Variants in COL6A2 observed in about 807,000 individuals in gnomAD.
The protein encoded by COL6A2 is collagen alpha-2(VI) chain.
Under a neutral mutation model 124.9 loss-of-function variants are expected in COL6A2, and 90 were observed. That is an observed-to-expected ratio of 0.72 (90% CI 0.61 to 0.86). The LOEUF (loss-of-function observed/expected upper bound fraction) is 0.86. Ranked by LOEUF, COL6A2 falls within the 40% of genes least tolerant of loss-of-function variation. The probability of loss-of-function intolerance (pLI) is 0.00; values close to 1 mark genes in which losing one functional copy is unlikely to be tolerated. For missense variants in COL6A2, 1,607 were observed against 1,502.5 expected, an observed-to-expected ratio of 1.07 and a Z score of -1.15; for synonymous variants, 793 against 618.2, an observed-to-expected ratio of 1.28 and a Z score of -4.19.
intron 15 of COL6A2, 67 bp downstream of exon 15, chr21:46,119,917 C>T: frequency 1.4e-6 from 2 of 1,397,532 alleles, no homozygotes; most frequent in South Asian, 2.5e-5. Flanking sequence ...TGACGAGGGC[C>T]CCAACCCCAT....
chr21:46,128,317 C>A (rs539345495), intron 27 of COL6A2, among the ~76,000 whole-genome samples: 1 of 152,340 alleles, frequency 6.6e-6, no homozygotes, highest in African/African-American at 2.4e-5. Context: ...ACCTCATCCC[C>A]GACACTCAGA....
Position 46,111,570 on chromosome 21 carries a change from G to T in COL6A2, c.94G>T (p.Glu32Ter), listed in dbSNP as rs547648292. 1 of 1,612,784 alleles carries T rather than the reference G, an allele frequency of 6.2e-7. No homozygotes were observed. Among genetic ancestry groups the T allele is most frequent in the South Asian group, 1.1e-5 (1 of 91,054 alleles). ...QQEVISPDTT[E>*]RNNNCPEKTD... ...GGAGGTCATCTCGCCGGACACTACC[G>T]AGAGAAACAACAACTGCCCAGGTGC... The change falls in exon 2 of 28, where the codon GAG becomes TAG. Residue 32 changes from glutamate to a stop codon, truncating the protein, a stop_gained. Transcript: ENST00000300527. LOFTEE classifies it high-confidence loss of function.
Position 46,122,880 on chromosome 21 carries a change from C to T in COL6A2, c.1614C>T (p.Gly538=), listed in dbSNP as rs147194375. 6.1e-4 allele frequency: 977 copies of T among 1,613,258 alleles called. 2 individuals carry two copies. Among genetic ancestry groups the T allele is most frequent in the African/African-American group, 5.8e-3 (434 of 75,012 alleles). The change falls in exon 21 of 28, where the codon GGC becomes GGT. Residue 538 remains glycine, a synonymous_variant. Coordinates refer to ENST00000300527, the MANE Select transcript of COL6A2 (RefSeq NM_001849.4). ...GEPGPRGPEG[G]RGDFGLKGEP... is the part of the protein sequence containing the mutation. ...ACATGTGTTCCCTGTCACAGGGAGGCCGAGGCGACTTTGGCTTGAAAGGAG... is the reference window on the plus strand; with the variant it reads ...ACATGTGTTCCCTGTCACAGGGAGGTCGAGGCGACTTTGGCTTGAAAGGAG...
chr21:46,114,205 T>A, intron 5 of COL6A2, 132 bp downstream of exon 5: 1 of 742,212 alleles, frequency 1.3e-6, no homozygotes, highest in South Asian at 1.4e-5. Flanking sequence ...GGCGGGCGGA[T>A]CACAACGTCA....
intron 26 of COL6A2, 62 bp from the exon 27 acceptor site, chr21:46,126,441 G>T: frequency 1.2e-6 from 2 of 1,603,488 alleles, no homozygotes; most frequent in East Asian, 2.2e-5. Context: ...ATCAGTGAAC[G>T]GCCGCTGAGG....
chr21:46,104,034 A>C (rs1328381188), intron 1 of COL6A2, among the ~76,000 whole-genome samples: 2 of 152,254 alleles, frequency 1.3e-5, no homozygotes, highest in African/African-American at 2.4e-5. Flanking sequence ...GAAGACCTTA[A>C]GTTTATACTT....
chr21:46,126,428 C>A, intron 26 of COL6A2, 75 bp from the exon 27 acceptor site: 1 of 1,591,746 alleles, frequency 6.3e-7, no homozygotes, highest in Non-Finnish European at 8.6e-7. Context: ...CCTGTCTAGG[C>A]AGATCAGTGA....
chr21:46,112,360 C>T lies in COL6A2; in HGVS notation c.497C>T (p.Thr166Ile), dbSNP rs2078414302. 2 of 1,608,658 alleles carry T rather than the reference C, an allele frequency of 1.2e-6. No individual in the cohort carries two copies. The highest frequency in any genetic ancestry group is 1.3e-5 in the African/African-American group (1 of 74,960). The change falls in exon 3 of 28, where the codon ACC (threonine) becomes ATC (isoleucine). Residue 166 changes from threonine (T) to isoleucine (I), a missense_variant. Around this residue, in one of 3 missense-constraint regions of COL6A2, gnomAD observed 342 missense variants for 381.5 expected, o/e 0.90. Coordinates refer to ENST00000300527, the MANE Select transcript of COL6A2 (RefSeq NM_001849.4). ...GTGGTCATCACCGACGGCCACGTCA[C>T]CGGCAGCCCCTGCGGGGGCATCAAG... is the stretch of plus-strand genomic sequence containing the variant. ...FAVVITDGHV[T>I]GSPCGGIKLQ...
chr21:46,117,298 G>T, intron 10 of COL6A2, 102 bp from the exon 11 acceptor site: 1 of 1,198,388 alleles, frequency 8.3e-7, no homozygotes, highest in South Asian at 1.3e-5. Flanking sequence ...GGAGAGCGCT[G>T]CAGCCCTGCG....
chr21:46,117,365 C>T (rs376456631), intron 10 of COL6A2, 35 bp from the exon 11 acceptor site: 104 of 1,605,706 alleles, frequency 6.5e-5, no homozygotes, highest in African/African-American at 2.4e-4. Flanking sequence ...CCCAGAACCC[C>T]GCCCTGAGAC....
At chr21:46,114,416 C>A (rs1370079571) in intron 5 of COL6A2, among the ~76,000 whole-genome samples, 1 of 147,790 alleles carries the variant, frequency 6.8e-6, no homozygotes, top group Non-Finnish European at 1.5e-5. Context: ...CAGAGTAAGA[C>A]TCTGTCTCAA....
At chr21:46,120,188 G>T (rs2078541633) in intron 15 of COL6A2, among the ~76,000 whole-genome samples, 1 of 89,674 alleles carries the variant, frequency 1.1e-5, no homozygotes, top group South Asian at 3.8e-4. Flanking sequence ...GACCTCAGGG[G>T]TGATGCTGAA....
intron 1 of COL6A2, among the ~76,000 whole-genome samples, chr21:46,100,267 CT>C (rs981889839): frequency 1.3e-5 from 2 of 151,910 alleles, no homozygotes; most frequent in Non-Finnish European, 2.9e-5. Flanking sequence ...AGCTAATTTT[CT>C]TTTAAGAGAC....
intron 3 of COL6A2, 26 bp downstream of exon 3, chr21:46,112,603 C>T (rs1437698441): frequency 1.9e-6 from 3 of 1,610,412 alleles, no homozygotes; most frequent in East Asian, 4.5e-5. Flanking sequence ...GAGCACCGTC[C>T]ACGCGCCAGG....
chr21:46,103,836 G>A (rs150844064), intron 1 of COL6A2, among the ~76,000 whole-genome samples: 25 of 152,230 alleles, frequency 1.6e-4, no homozygotes, highest in African/African-American at 2.2e-4. Flanking sequence ...GCCCTTCTCC[G>A]TCTGGTTGAA....
rs367857478 is a variant in COL6A2 at position 46,125,508 on chromosome 21, C to A, written c.1860C>A (p.Ile620=). 1.9e-6 allele frequency: 3 copies of A among 1,613,016 alleles called. No individual in the cohort carries two copies. The highest frequency in any genetic ancestry group is 2.2e-5 in the South Asian group (2 of 91,086). Residue 620 remains isoleucine (I), a synonymous_variant, in exon 25 of 28, where the codon ATC becomes ATA. Transcript: ENST00000300527. ...GCGCCCTGGACGTGGTCTTCGTCAT[C>A]GACAGCTCCGAGAGCATTGGGTACA... ...RCGALDVVFV[I]DSSESIGYTN... is the part of the protein sequence containing the mutation.
rs755719577 is a variant in COL6A2, at chr21:46,112,160, G to A, written c.297G>A (p.Leu99=). 1.4e-5 allele frequency: 23 copies of A among 1,612,930 alleles called. No individual in the cohort carries two copies. In the South Asian group the frequency reaches 1.9e-4, roughly 13 times the overall value. Residue 99 remains leucine, a synonymous_variant, in exon 3 of 28, where the codon CTG becomes CTA. Transcript: ENST00000300527. ...QVALSWRYGG[L]HFSDQVEVFS... is the part of the protein sequence containing the mutation. ...CGCTGAGCTGGCGCTACGGCGGCCT[G>A]CACTTCTCTGACCAGGTGGAGGTGT...
intron 27 of COL6A2, among the ~76,000 whole-genome samples, chr21:46,130,760 G>A (rs1727427758): frequency 6.6e-6 from 1 of 152,218 alleles, no homozygotes; most frequent in African/African-American, 2.4e-5. Context: ...AAGCCCAGCG[G>A]TACCTGAGGA....
At chr21:46,130,146 C>G (rs541683225) in intron 27 of COL6A2, among the ~76,000 whole-genome samples, 4 of 152,192 alleles carry the variant, frequency 2.6e-5, no homozygotes, top group Non-Finnish European at 5.9e-5. Context: ...GGCACCATGA[C>G]GTATCTGGGC....
Sources: allele counts gnomAD v4.1 joint callset (sites outside exome capture counted in the v4.1 genomes callset), GRCh38; gene constraint gnomAD v4.1.1; regional missense constraint gnomAD v4.1.1; transcripts MANE v1.5; gene names NCBI Gene and HGNC (gene_info 2026-07-23, HGNC 2026-07-21).